TENM2: variants seen among roughly 807,000 people sequenced by gnomAD.
The protein encoded by TENM2 is teneurin-2.
Under a neutral mutation model 245.2 loss-of-function variants are expected in TENM2, and 52 were observed. That is an observed-to-expected ratio of 0.21 (90% confidence interval 0.17 to 0.27). The LOEUF (loss-of-function observed/expected upper bound fraction) is 0.27, where lower values mean the gene tolerates loss of function less well. Among genes scored for constraint, TENM2 ranks in the 10% least tolerant of loss-of-function variants. The pLI is 1.00. For synonymous variants in TENM2, 1,363 were observed against 1,438.9 expected (o/e 0.95, Z 1.19); for missense variants, 3,046 against 3,666.8 (o/e 0.83, Z 4.37).
chr5:167,168,818 G>GA, the TENM2 span, among the ~76,000 whole-genome samples: 1 of 152,146 alleles, frequency 6.6e-6, no homozygotes, highest in African/African-American at 2.4e-5. Flanking sequence ...GGAGTGCAGT[G>GA]GCACCGTCTT....
chr5:167,648,409 G>C (rs1385952271), intron 2 of TENM2, among the ~76,000 whole-genome samples: 1 of 152,184 alleles, frequency 6.6e-6, no homozygotes, highest in African/African-American at 2.4e-5. Flanking sequence ...CTCACTATAT[G>C]TCAGGCACTG....
intron 2 of TENM2, among the ~76,000 whole-genome samples, chr5:167,655,705 T>G (rs1212227218): frequency 2.0e-5 from 3 of 152,244 alleles, no homozygotes; most frequent in African/African-American, 7.2e-5. Context: ...TTTCTGTATG[T>G]TAATTCAACT....
the TENM2 span, among the ~76,000 whole-genome samples, chr5:167,226,656 A>G: frequency 6.6e-6 from 1 of 152,038 alleles, no homozygotes; most frequent in South Asian, 2.1e-4. Flanking sequence ...TATATTTTGC[A>G]GTTGCTGAAT....
chr5:167,976,986 C>G (rs2151953477), intron 4 of TENM2, among the ~76,000 whole-genome samples: 1 of 152,186 alleles, frequency 6.6e-6, no homozygotes, highest in East Asian at 1.9e-4. Context: ...TACTATGCAG[C>G]CATAAAAAAT....
chr5:168,096,618 T>G (rs937366924), intron 8 of TENM2, among the ~76,000 whole-genome samples: 1 of 152,216 alleles, frequency 6.6e-6, no homozygotes, highest in Admixed American at 6.5e-5. Flanking sequence ...GAAGTTTCAA[T>G]CCAGAGTGGG....
At chr5:167,870,048 A>G (rs1275214795) in intron 2 of TENM2, among the ~76,000 whole-genome samples, 3 of 152,230 alleles carry the variant, frequency 2.0e-5, no homozygotes, top group Non-Finnish European at 4.4e-5. Context: ...CATTAGGACA[A>G]CTGTTTAAAT....
At chr5:167,652,345 A>T (rs1302174351) in intron 2 of TENM2, among the ~76,000 whole-genome samples, 1 of 152,174 alleles carries the variant, frequency 6.6e-6, no homozygotes, top group Non-Finnish European at 1.5e-5. Flanking sequence ...TCATTACCAC[A>T]TTTAACAATA....
intron 2 of TENM2, among the ~76,000 whole-genome samples, chr5:167,462,409 C>T (rs570409316): frequency 2.6e-5 from 4 of 152,240 alleles, no homozygotes; most frequent in African/African-American, 4.8e-5. Context: ...TGTTCACAGA[C>T]GGTTTAAGTG....
At chr5:167,288,060 T>C (rs1206136102) in intron 1 of TENM2, among the ~76,000 whole-genome samples, 2 of 151,068 alleles carry the variant, frequency 1.3e-5, no homozygotes, top group Non-Finnish European at 3.0e-5. Flanking sequence ...CAAGCTTGTC[T>C]TTTTTTTTGG....
chr5:167,385,752 A>G (rs1028547768), intron 2 of TENM2, among the ~76,000 whole-genome samples: 2 of 151,936 alleles, frequency 1.3e-5, no homozygotes, highest in Non-Finnish European at 2.9e-5. Context: ...GTGAGAACAT[A>G]TGATGTTTGG....
the TENM2 span, among the ~76,000 whole-genome samples, chr5:167,167,377 T>C: frequency 6.0e-4 from 91 of 152,174 alleles, no homozygotes; most frequent in Non-Finnish European, 7.3e-5. Context: ...GGAAATGGGA[T>C]TGCTGAATCA....
chr5:167,872,492 GA>G (rs751308432), intron 2 of TENM2, among the ~76,000 whole-genome samples: 1 of 26,470 alleles, frequency 3.8e-5, no homozygotes, highest in Admixed American at 5.9e-4. Flanking sequence ...GAAAAAGAAA[GA>G]AAGAAAGAAA....
the TENM2 span, among the ~76,000 whole-genome samples, chr5:167,015,190 A>G: frequency 1.3e-5 from 2 of 152,168 alleles, no homozygotes; most frequent in Non-Finnish European, 2.9e-5. Context: ...ATATTTTTTG[A>G]AAATCTGAAT....
the TENM2 span, among the ~76,000 whole-genome samples, chr5:167,171,932 T>G: frequency 6.6e-6 from 1 of 152,168 alleles, no homozygotes; most frequent in African/African-American, 2.4e-5. Flanking sequence ...ATAAAAGATC[T>G]TTTTAAAGGC....
chr5:167,305,817 T>G (rs1441506245), intron 1 of TENM2, among the ~76,000 whole-genome samples: 1 of 152,192 alleles, frequency 6.6e-6, no homozygotes, highest in East Asian at 1.9e-4. Context: ...CGTCATTGGG[T>G]GCCAGGGATC....
In TENM2 at chr5:167,939,162, G is replaced by A. The variant is rs1424214502; in HGVS notation, c.713-13426G>A. 3.3e-5 allele frequency among the ~76,000 whole-genome samples: 5 copies of A among 152,070 alleles called. No homozygotes were observed. In the South Asian group the frequency reaches 6.2e-4, roughly 19 times the overall value. On this transcript the variant is annotated intron_variant, in intron 3 of 28. Coordinates refer to ENST00000518659, the Ensembl canonical transcript of TENM2. ...AGCATTCCTCAACCTTTTTGGCACC[G>A]AGGACCAGTTTCACGGAAGACAAAT...
intron 2 of TENM2, among the ~76,000 whole-genome samples, chr5:167,605,471 A>G (rs1776966521): frequency 6.6e-6 from 1 of 152,150 alleles, no homozygotes; most frequent in Non-Finnish European, 1.5e-5. Flanking sequence ...GTTCATCCCA[A>G]AGTTCTCTGT....
the TENM2 span, among the ~76,000 whole-genome samples, chr5:166,994,802 A>G: frequency 2.0e-5 from 3 of 152,116 alleles, no homozygotes; most frequent in Non-Finnish European, 2.9e-5. Context: ...TGTCTGGCCA[A>G]TATGGAACTG....
intron 2 of TENM2, among the ~76,000 whole-genome samples, chr5:167,701,416 G>A (rs1758136676): frequency 1.3e-5 from 2 of 151,254 alleles, no homozygotes; most frequent in African/African-American, 4.9e-5. Context: ...TTTTACATCA[G>A]TTTAAAATTA....
Sources: allele counts gnomAD v4.1 joint callset (sites outside exome capture counted in the v4.1 genomes callset), GRCh38; gene constraint gnomAD v4.1.1; transcripts MANE v1.5; gene names NCBI Gene and HGNC (gene_info 2026-07-23, HGNC 2026-07-21).